ACTG2: variants seen among roughly 807,000 people sequenced by gnomAD.
ACTG2 encodes the protein actin gamma 2, smooth muscle, also known as actin, gamma-enteric smooth muscle.
A neutral mutation model predicts 37.6 loss-of-function variants in ACTG2; 16 were observed. The ratio of observed to expected loss-of-function variants is 0.43; its 90% CI spans 0.29 to 0.65. The LOEUF (loss-of-function observed/expected upper bound fraction) is 0.65. Ranked by LOEUF, ACTG2 falls within the 30% of genes least tolerant of loss-of-function variation. The probability of loss-of-function intolerance (pLI) is 0.18; values close to 1 mark genes in which losing one functional copy is unlikely to be tolerated. For synonymous variants in ACTG2, 181 were observed against 179.9 expected (o/e 1.01, Z -0.05); for missense variants, 238 against 490.9 (o/e 0.48, Z 4.87).
At chr2:73,912,555 CT>C (rs1399788191) in intron 5 of ACTG2, among the ~76,000 whole-genome samples, 4 of 152,148 alleles carry the variant, frequency 2.6e-5, no homozygotes, top group Non-Finnish European at 5.9e-5. Context: ...ATTGCTGGAG[CT>C]TTAGGTTGCC....
chr2:73,901,587 CGTGT>C lies in ACTG2; in HGVS notation c.126+165_126+168del, dbSNP rs140664533. 4.9e-3 allele frequency: 702 copies of C among 143,986 alleles called. 8 individuals carry two copies. Among genetic ancestry groups the C allele is most frequent in the African/African-American group, 0.028 (555 of 20,062 alleles). The allele number at this position is 143,986 out of a possible 1,614,324, so 8.9% of individuals were successfully genotyped here. On this transcript the variant is annotated intron_variant, in intron 2 of 8. Transcript: ENST00000345517. ...GTGTGTGTGTGTGTGTGTGTCTGTG[CGTGT>C]GTGTGTGTGTGTGTCTGTGCATGCA...
intron 5 of ACTG2, among the ~76,000 whole-genome samples, chr2:73,911,913 T>C (rs962682223): frequency 1.7e-4 from 26 of 152,340 alleles, no homozygotes; most frequent in African/African-American, 6.0e-4. Flanking sequence ...ATTAATCATT[T>C]ATTCACTGAT....
intron 1 of ACTG2, among the ~76,000 whole-genome samples, chr2:73,896,170 C>G (rs946788728): frequency 6.6e-6 from 1 of 152,046 alleles, no homozygotes; most frequent in African/African-American, 2.4e-5. Context: ...CCTGTTTCAA[C>G]AAAAAAAATT....
intron 2 of ACTG2, 119 bp downstream of exon 2, chr2:73,901,556 G>GCATGCACA: frequency 2.5e-5 from 3 of 119,602 alleles, no homozygotes; most frequent in South Asian, 1.1e-4. Context: ...GTGTGTGTGT[G>GCATGCACA]TGTGTGTGTG....
intron 3 of ACTG2, 179 bp from the exon 4 acceptor site, chr2:73,908,494 T>C: frequency 4.6e-6 from 3 of 645,728 alleles, no homozygotes; most frequent in Non-Finnish European, 8.4e-6. Context: ...TGGGGCCCTG[T>C]TGAGAAGGAG....
In ACTG2 at chr2:73,893,804, C is replaced by T. The variant is rs767771763; in HGVS notation, c.-37+753C>T. 2.0e-5 allele frequency among the ~76,000 whole-genome samples: 3 copies of T among 152,166 alleles called. No homozygotes were observed. In the South Asian group the frequency reaches 6.2e-4, roughly 32 times the overall value. ...TTGCAGATGTCATTACTCCCCCCAA[C>T]CCACCCAACACACACACAACACATG... On this transcript the variant is annotated intron_variant, in intron 1 of 8. Transcript: ENST00000345517.
chr2:73,918,284 A>C (rs995149095), intron 8 of ACTG2, among the ~76,000 whole-genome samples: 1 of 152,150 alleles, frequency 6.6e-6, no homozygotes. Flanking sequence ...GGTAGGGCTT[A>C]TATTTAGGAC....
intron 3 of ACTG2, among the ~76,000 whole-genome samples, chr2:73,906,400 G>A (rs979627983): frequency 6.6e-6 from 1 of 152,062 alleles, no homozygotes; most frequent in Admixed American, 6.5e-5. Context: ...GCAGTGAGCC[G>A]AGATGGCGCC....
At chr2:73,895,015 G>A (rs951488650) in intron 1 of ACTG2, among the ~76,000 whole-genome samples, 1 of 152,118 alleles carries the variant, frequency 6.6e-6, no homozygotes, top group Non-Finnish European at 1.5e-5. Flanking sequence ...CTGAGCTGGT[G>A]GCATGGGTGC....
chr2:73,903,939 CAA>C (rs61362643), intron 3 of ACTG2, among the ~76,000 whole-genome samples: 1,749 of 89,820 alleles, frequency 0.019, 14 homozygotes, highest in African/African-American at 0.061. Flanking sequence ...GACTCCGTCT[CAA>C]AAAAAAAAAA....
chr2:73,913,673 C>T, intron 6 of ACTG2, 27 bp downstream of exon 6: 1 of 1,585,410 alleles, frequency 6.3e-7, no homozygotes, highest in Non-Finnish European at 8.6e-7. Flanking sequence ...CTGATTCTGA[C>T]TGGAGCTCAG....
chr2:73,913,681 C>A, intron 6 of ACTG2, 35 bp downstream of exon 6: 1 of 1,571,298 alleles, frequency 6.4e-7, no homozygotes, highest in Non-Finnish European at 8.7e-7. Flanking sequence ...GACTGGAGCT[C>A]AGAACCAATC....
intron 3 of ACTG2, among the ~76,000 whole-genome samples, chr2:73,903,404 G>A (rs540094199): frequency 4.6e-5 from 7 of 152,298 alleles, no homozygotes; most frequent in African/African-American, 1.2e-4. Flanking sequence ...TGGATTTCAC[G>A]TTATACAGTG....
chr2:73,901,556 GT>G, intron 2 of ACTG2, 119 bp downstream of exon 2: 1 of 119,604 alleles, frequency 8.4e-6, no homozygotes, highest in Non-Finnish European at 1.2e-5. Flanking sequence ...GTGTGTGTGT[GT>G]GTGTGTGTGT....
At chr2:73,917,952 C>G (rs748307311) in intron 8 of ACTG2, among the ~76,000 whole-genome samples, 1 of 152,152 alleles carries the variant, frequency 6.6e-6, no homozygotes, top group Non-Finnish European at 1.5e-5. Context: ...TGAATTGCTC[C>G]CCCATCACCT....
At chr2:73,899,852 C>T (rs1458991031) in intron 1 of ACTG2, among the ~76,000 whole-genome samples, 1 of 152,196 alleles carries the variant, frequency 6.6e-6, no homozygotes, top group Non-Finnish European at 1.5e-5. Context: ...GAGACAGAGG[C>T]AAAGCTGGAT....
chr2:73,898,808 T>C (rs1025592506), intron 1 of ACTG2, among the ~76,000 whole-genome samples: 13 of 144,292 alleles, frequency 9.0e-5, no homozygotes, highest in African/African-American at 3.1e-4. Flanking sequence ...TTTTCTTTTT[T>C]TTTTTTTTTT....
intron 1 of ACTG2, among the ~76,000 whole-genome samples, chr2:73,900,531 T>A (rs1271627157): frequency 1.3e-5 from 2 of 152,204 alleles, no homozygotes; most frequent in Non-Finnish European, 2.9e-5. Flanking sequence ...GTTGTCCCCA[T>A]CTGTCGAGGC....
chr2:73,903,858 T>C (rs185415717), intron 3 of ACTG2, among the ~76,000 whole-genome samples: 33 of 148,098 alleles, frequency 2.2e-4, no homozygotes, highest in African/African-American at 8.0e-4. Context: ...GAGAATCGCT[T>C]GAACCCGGGA....
Sources: gnomAD v4.1 joint callset for allele counts (sites outside exome capture counted in the v4.1 genomes callset) on GRCh38, gnomAD v4.1.1 for gene constraint, MANE v1.5 for transcripts, NCBI Gene and HGNC (gene_info 2026-07-23, HGNC 2026-07-21) for gene names.